The following BICD1 variants were observed in gnomAD, a reference collection of about 807,000 sequenced individuals.
The protein encoded by BICD1 is BICD cargo adaptor 1.
BICD1 carries 35 observed loss-of-function variants against 92.5 expected under a neutral mutation model. The ratio of observed to expected loss-of-function variants is 0.38; its 90% CI spans 0.29 to 0.50. The LOEUF is 0.50. BICD1 is among the 20% of genes least tolerant of loss of function. BICD1 has a pLI of 0.93. For missense variants in BICD1, 950 were observed against 1,189.8 expected, an observed-to-expected ratio of 0.80 and a Z score of 2.97; for synonymous variants, 429 against 465.1, an observed-to-expected ratio of 0.92 and a Z score of 1.00.
chr12:32,309,926 C>T (rs192295638), intron 4 of BICD1, among the ~76,000 whole-genome samples: 8 of 152,180 alleles, frequency 5.3e-5, no homozygotes, highest in Non-Finnish European at 1.2e-4. Flanking sequence ...CTATCCCTGA[C>T]AGTTTGTATT....
intron 5 of BICD1, chr12:32,332,634 C>A: frequency 3.4e-6 from 1 of 295,920 alleles, no homozygotes; most frequent in Non-Finnish European, 5.0e-6. Flanking sequence ...TGCTGTAATC[C>A]AAGTTATGAG....
intron 8 of BICD1, among the ~76,000 whole-genome samples, chr12:32,344,233 G>C (rs1275578873): frequency 6.6e-6 from 1 of 152,190 alleles, no homozygotes; most frequent in African/African-American, 2.4e-5. Context: ...TAGGCAGAAG[G>C]TGGCAGCGCA....
At chr12:32,338,692 G>A (rs1471909) in intron 7 of BICD1, 94 bp from the exon 8 acceptor site, 526,086 of 1,025,512 alleles carry the variant, frequency 0.51, 139,833 homozygotes, top group East Asian at 0.79. Flanking sequence ...TTAAATGCCA[G>A]TATAAATAAT....
intron 1 of BICD1, among the ~76,000 whole-genome samples, chr12:32,136,276 A>G (rs1942731463): frequency 6.6e-6 from 1 of 152,196 alleles, no homozygotes; most frequent in Non-Finnish European, 1.5e-5. Flanking sequence ...TGGACACTGT[A>G]TAGATGTCAT....
chr12:32,327,745 GA>G lies in BICD1; in HGVS notation c.1293del (p.Ala432LeufsTer6). 6.2e-7 allele frequency: 1 copy of G among 1,614,152 alleles called. No homozygotes were observed. Among genetic ancestry groups the G allele is most frequent in the Non-Finnish European group, 8.5e-7 (1 of 1,180,032 alleles). On this transcript the variant is annotated frameshift_variant, in exon 5 of 10. Coordinates refer to ENST00000652176, the MANE Select transcript of BICD1 (RefSeq NM_001714.4). LOFTEE classifies it high-confidence loss of function. ...RVAVTEVIDL[K>X]AEIKALKEKY... ...TGGCAGTAACTGAGGTGATTGATCT[GA>G]AAGCTGAAATTAAGGCCTTAAAGGA...
chr12:32,221,616 G>C (rs1945534438), intron 2 of BICD1, among the ~76,000 whole-genome samples: 1 of 151,876 alleles, frequency 6.6e-6, no homozygotes, highest in East Asian at 1.9e-4. Context: ...GGGAGGCAGA[G>C]GTTGCAGTGA....
intron 1 of BICD1, among the ~76,000 whole-genome samples, chr12:32,117,735 C>CACACACAT (rs1268394426): frequency 1.1e-3 from 146 of 134,462 alleles, no homozygotes; most frequent in African/African-American, 3.9e-3. Flanking sequence ...CACACACACA[C>CACACACAT]ATATATATAT....
chr12:32,288,510 A>G (rs995331472), intron 2 of BICD1, among the ~76,000 whole-genome samples: 1 of 151,982 alleles, frequency 6.6e-6, no homozygotes, highest in Non-Finnish European at 1.5e-5. Context: ...TCAGCCTCCC[A>G]AGGTGTGGGG....
chr12:32,234,404 C>G (rs1945996613), intron 2 of BICD1, among the ~76,000 whole-genome samples: 1 of 151,598 alleles, frequency 6.6e-6, no homozygotes, highest in Non-Finnish European at 1.5e-5. Flanking sequence ...TCAAGACCAG[C>G]CTGATCAACA....
At chr12:32,286,745 T>C (rs16919634) in intron 2 of BICD1, among the ~76,000 whole-genome samples, 27,209 of 152,128 alleles carry the variant, frequency 0.18, 2,989 homozygotes, top group African/African-American at 0.31. Flanking sequence ...GGGGGATTAA[T>C]CACTTGTATA....
At chr12:32,325,093 C>G (rs1948745037) in intron 4 of BICD1, among the ~76,000 whole-genome samples, 2 of 151,788 alleles carry the variant, frequency 1.3e-5, no homozygotes, top group African/African-American at 2.4e-5. Context: ...TCTGCCTCAG[C>G]CCCTGGAGTA....
rs761725856 is a variant in BICD1, at chr12:32,216,296, A to C, written c.263A>C (p.Glu88Ala). 1.2e-5 allele frequency: 19 copies of C among 1,614,060 alleles called. No homozygotes were observed. In the Admixed American group the frequency reaches 3.2e-4, roughly 27 times the overall value. The part of the protein sequence containing the change: ...SIHRKVAEDG[E>A]TREETLLQES... Reference sequence around the variant, plus strand: ...CACCGGAAGGTTGCTGAAGATGGAGAGACTCGGGAGGAAACGCTTCTGCAG... The same window carrying C: ...CACCGGAAGGTTGCTGAAGATGGAGCGACTCGGGAGGAAACGCTTCTGCAG... The change falls in exon 2 of 10, where the codon GAG (glutamate) becomes GCG (alanine). Residue 88 changes from glutamate (E) to alanine (A), a missense_variant. Glu to Ala is a moderately radical substitution (Grantham distance 107). Around this residue, in one of 5 missense-constraint regions of BICD1, gnomAD observed 202 missense variants for 205.3 expected, o/e 0.98. Transcript: ENST00000652176.
intron 1 of BICD1, chr12:32,107,813 C>T: frequency 1.4e-6 from 1 of 695,972 alleles, no homozygotes; most frequent in Non-Finnish European, 2.6e-6. Flanking sequence ...CATCAAGTCT[C>T]AGCACTCTAA....
chr12:32,192,740 A>G (rs1357402893), intron 1 of BICD1, among the ~76,000 whole-genome samples: 1 of 152,242 alleles, frequency 6.6e-6, no homozygotes, highest in Non-Finnish European at 1.5e-5. Context: ...TAGGGGCCGC[A>G]GCAAGTCATC....
intron 8 of BICD1, among the ~76,000 whole-genome samples, chr12:32,346,573 T>A (rs1323193109): frequency 0.014 from 578 of 42,624 alleles, 125 homozygotes; most frequent in African/African-American, 0.08. Context: ...TATATATATA[T>A]ATATATATAC....
intron 8 of BICD1, among the ~76,000 whole-genome samples, chr12:32,351,832 G>A (rs766070769): frequency 2.9e-4 from 44 of 151,264 alleles, no homozygotes; most frequent in Non-Finnish European, 5.5e-4. Flanking sequence ...GAACCAGGAC[G>A]CGGGAGGCAG....
chr12:32,340,984 T>C lies in BICD1; in HGVS notation c.2764+2005T>C, dbSNP rs543358917. On this transcript the variant is annotated intron_variant, in intron 8 of 9. Transcript: ENST00000652176. ...TCTGATGTTGCTGTCAAGAAGGGTA[T>C]ATCAATGTACTAAAAGCCCATAAAA... is the stretch of plus-strand genomic sequence containing the variant. Among the ~76,000 whole-genome samples, 17 of 152,220 alleles carry C rather than the reference T, an allele frequency of 1.1e-4. 1 individual carries two copies. Among genetic ancestry groups the C allele is most frequent in the African/African-American group, 1.2e-4 (5 of 41,450 alleles).
intron 2 of BICD1, among the ~76,000 whole-genome samples, chr12:32,262,159 C>T (rs921491457): frequency 2.0e-5 from 3 of 152,170 alleles, no homozygotes; most frequent in Non-Finnish European, 4.4e-5. Flanking sequence ...CAGCTCATTA[C>T]CAGAATCCGT....
intron 1 of BICD1, among the ~76,000 whole-genome samples, chr12:32,151,112 A>G (rs2652014): frequency 0.14 from 21,174 of 152,218 alleles, 1,716 homozygotes; most frequent in East Asian, 0.22. Flanking sequence ...GCTTAAAAAT[A>G]TAAGACTTCC....
Sources: gnomAD v4.1 joint callset for allele counts (sites outside exome capture counted in the v4.1 genomes callset) on GRCh38, gnomAD v4.1.1 for gene constraint, gnomAD v4.1.1 regional missense constraint, MANE v1.5 for transcripts, NCBI Gene and HGNC (gene_info 2026-07-23, HGNC 2026-07-21) for gene names.